Variants in PUDP observed in about 807,000 individuals in gnomAD.
The protein encoded by PUDP is pseudouridine 5'-phosphatase, also known as pseudouridine-5'-phosphatase.
PUDP carries 8 observed loss-of-function variants against 9.4 expected under a neutral mutation model. That is an observed-to-expected ratio of 0.85 (90% CI 0.50 to 1.53). PUDP has a LOEUF of 1.53. Among genes scored for constraint, PUDP ranks in the 40% most tolerant of loss-of-function variants. PUDP has a pLI of 0.00. For missense variants in PUDP, 188 were observed against 189.7 expected, an observed-to-expected ratio of 0.99 and a Z score of 0.05; for synonymous variants, 99 against 80.7, an observed-to-expected ratio of 1.23 and a Z score of -1.22.
At chrX:6,974,043 T>G (rs1490317542) in intron 3 of PUDP, among the ~76,000 whole-genome samples, 1 of 112,005 alleles carries the variant, frequency 8.9e-6, no homozygotes, top group Non-Finnish European at 1.9e-5. Flanking sequence ...GTTTTCTGCT[T>G]TCCATTTGCT....
At chrX:6,932,685 G>A (rs1928213487) in intron 3 of PUDP, among the ~76,000 whole-genome samples, 1 of 112,288 alleles carries the variant, frequency 8.9e-6, no homozygotes, top group Admixed American at 9.4e-5. Context: ...CACTTGGGAA[G>A]CGCAAGGGGT....
At chrX:6,895,420 ATAG>A (rs1923509384) in intron 3 of PUDP, among the ~76,000 whole-genome samples, 2 of 107,409 alleles carry the variant, frequency 1.9e-5, no homozygotes, top group African/African-American at 6.7e-5. Flanking sequence ...TTAGCAAATA[ATAG>A]TAATTTACTC....
chrX:7,140,732 T>G (rs752964365), intron 1 of PUDP, among the ~76,000 whole-genome samples: 24 of 112,015 alleles, frequency 2.1e-4, no homozygotes, highest in African/African-American at 7.8e-4. Flanking sequence ...AGGCATATCT[T>G]ATTTTATTGT....
intron 1 of PUDP, among the ~76,000 whole-genome samples, chrX:6,713,019 C>T (rs1177883541): frequency 8.9e-6 from 1 of 111,801 alleles, no homozygotes; most frequent in African/African-American, 3.3e-5. Flanking sequence ...TGCACTCCAG[C>T]TTGGGTGACA....
At chrX:7,117,961 G>A (rs1932242414) in intron 1 of PUDP, among the ~76,000 whole-genome samples, 2 of 113,161 alleles carry the variant, frequency 1.8e-5, no homozygotes, top group South Asian at 3.6e-4. Flanking sequence ...CAAGCCACAC[G>A]CCTTAGTGGC....
intron 3 of PUDP, among the ~76,000 whole-genome samples, chrX:6,726,778 G>T (rs1031590801): frequency 1.8e-5 from 2 of 111,027 alleles, no homozygotes; most frequent in Admixed American, 1.9e-4. Context: ...TAAACACTTG[G>T]AGATGTGCTC....
chrX:6,910,261 G>A (rs906869773), intron 3 of PUDP, among the ~76,000 whole-genome samples: 1 of 112,057 alleles, frequency 8.9e-6, no homozygotes, highest in Non-Finnish European at 1.9e-5. Context: ...GCACTGCAGA[G>A]AGAAAACATG....
intron 3 of PUDP, among the ~76,000 whole-genome samples, chrX:6,817,125 G>A (rs965806818): frequency 3.7e-5 from 4 of 107,325 alleles, no homozygotes; most frequent in Non-Finnish European, 5.7e-5. Flanking sequence ...CTCCCAGGCC[G>A]GAGTGCAGTG....
At chrX:6,887,780 C>A (rs1218646861) in intron 3 of PUDP, among the ~76,000 whole-genome samples, 1 of 112,050 alleles carries the variant, frequency 8.9e-6, no homozygotes, top group Admixed American at 9.5e-5. Flanking sequence ...GCCAAGACTT[C>A]TAAGTACCTA....
At chrX:7,050,661 C>A (rs1316317972) in intron 3 of PUDP, among the ~76,000 whole-genome samples, 189 bp from the exon 4 acceptor site, 2 of 112,297 alleles carry the variant, frequency 1.8e-5, no homozygotes, top group Non-Finnish European at 3.8e-5. Context: ...GGGGTCTCCC[C>A]GCCGTGGCTC....
chrX:7,079,237 G>T (rs972711170), intron 2 of PUDP, among the ~76,000 whole-genome samples: 1 of 112,109 alleles, frequency 8.9e-6, no homozygotes, highest in Non-Finnish European at 1.9e-5. Context: ...GGATAAATAG[G>T]GACATTTCAT....
At chrX:6,892,831 C>A (rs1395749964) in intron 3 of PUDP, among the ~76,000 whole-genome samples, 2 of 111,636 alleles carry the variant, frequency 1.8e-5, no homozygotes, top group African/African-American at 6.5e-5. Flanking sequence ...GAGGGCACAG[C>A]AAGAATGTAG....
intron 3 of PUDP, among the ~76,000 whole-genome samples, chrX:6,867,948 A>C (rs1247767744): frequency 9.0e-6 from 1 of 111,605 alleles, no homozygotes; most frequent in Admixed American, 9.5e-5. Context: ...TTTATAACAA[A>C]GCCACTCTCA....
In PUDP at chrX:6,730,072, T is replaced by A. The variant is rs757978458; in HGVS notation, c.*248-23606A>T. 1.1e-3 allele frequency among the ~76,000 whole-genome samples: 129 copies of A among 112,249 alleles called. 1 individual carries two copies. The highest frequency in any genetic ancestry group is 2.0e-3 in the Non-Finnish European group (107 of 53,262). ...AAGACTCCTTTGTTTCAGTGTTCAA[T>A]TTCCTTAGGGTTTTGAGTGTTATTC... On this transcript the variant is annotated intron_variant and NMD_transcript_variant, in intron 3 of 3. Transcript: ENST00000655425.
intron 1 of PUDP, among the ~76,000 whole-genome samples, chrX:7,014,358 C>T (rs1301168032): frequency 1.8e-5 from 2 of 110,458 alleles, no homozygotes; most frequent in Non-Finnish European, 3.8e-5. Flanking sequence ...TTCCCTGTCT[C>T]CTGTCCATAT....
At position 7,099,771 on chromosome X, in the gene PUDP, C is replaced by A. The variant is rs1173680321; in HGVS notation, c.280+5849G>T. Among the ~76,000 whole-genome samples the A allele has an allele frequency of 4.5e-5, 5 of 112,269 alleles. No homozygotes were observed. The South Asian group carries it at 1.5e-3, about 33-fold the overall frequency. On this transcript the variant is annotated intron_variant, in intron 2 of 3. Coordinates refer to ENST00000381077, the MANE Select transcript of PUDP (RefSeq NM_012080.5). ...ATCAGGGCAAAGATACACTTCTATA[C>A]CATGATCAAGCCAAAGATACACCTC...
At chrX:6,983,089 A>G (rs1381137911) in intron 1 of PUDP, among the ~76,000 whole-genome samples, 2 of 112,500 alleles carry the variant, frequency 1.8e-5, no homozygotes, top group Non-Finnish European at 3.8e-5. Flanking sequence ...ACAAAAGGTC[A>G]TGTAACTGCC....
At chrX:7,032,272 T>C (rs1439897366) in intron 1 of PUDP, among the ~76,000 whole-genome samples, 9 of 111,984 alleles carry the variant, frequency 8.0e-5, no homozygotes, top group East Asian at 2.8e-4. Flanking sequence ...TGTGGAGCAA[T>C]TGGAATGCTC....
chrX:7,028,363 C>T (rs1224147015), intron 1 of PUDP, among the ~76,000 whole-genome samples: 1 of 110,649 alleles, frequency 9.0e-6, no homozygotes, highest in Non-Finnish European at 1.9e-5. Context: ...CCAAAAAAAT[C>T]GGGCTATTTT....
Sources: allele counts gnomAD v4.1 joint callset (sites outside exome capture counted in the v4.1 genomes callset), GRCh38; gene constraint gnomAD v4.1.1; transcripts MANE v1.5; gene names NCBI Gene and HGNC (gene_info 2026-07-23, HGNC 2026-07-21).